Variants in SPOCK3 observed in about 807,000 individuals in gnomAD.
SPOCK3 encodes testican-3.
SPOCK3 carries 30 observed loss-of-function variants against 56.6 expected under a neutral mutation model. The observed-to-expected ratio is 0.53, with a 90% CI of 0.40 to 0.72. SPOCK3 has a LOEUF of 0.72. Ranked by LOEUF, SPOCK3 falls within the 30% of genes least tolerant of loss-of-function variation. The pLI, the probability that SPOCK3 is intolerant of heterozygous loss-of-function variation, is 0.00. For synonymous variants in SPOCK3, 196 were observed against 183.3 expected, an observed-to-expected ratio of 1.07 and a Z score of -0.56; for missense variants, 527 against 530.0, an observed-to-expected ratio of 0.99 and a Z score of 0.06.
At chr4:166,975,462 T>C (rs182521562) in intron 4 of SPOCK3, among the ~76,000 whole-genome samples, 15 of 152,306 alleles carry the variant, frequency 9.8e-5, no homozygotes, top group South Asian at 4.1e-4. Flanking sequence ...TCAGGGTTAA[T>C]AGGTTATCCA....
At chr4:167,227,647 G>A (rs949420290) in intron 2 of SPOCK3, among the ~76,000 whole-genome samples, 1 of 151,846 alleles carries the variant, frequency 6.6e-6, no homozygotes, top group Admixed American at 6.6e-5. Flanking sequence ...TTTCATAAAT[G>A]AAAAAAGACA....
At chr4:166,973,163 T>G (rs1268135566) in intron 4 of SPOCK3, among the ~76,000 whole-genome samples, 1 of 152,074 alleles carries the variant, frequency 6.6e-6, no homozygotes, top group Non-Finnish European at 1.5e-5. Context: ...TAAAAGCATT[T>G]GACAGTTTCC....
intron 8 of SPOCK3, among the ~76,000 whole-genome samples, chr4:166,744,734 T>C (rs1472640599): frequency 1.4e-4 from 22 of 151,936 alleles, no homozygotes; most frequent in Non-Finnish European, 3.1e-4. Flanking sequence ...AGCTAAAAAC[T>C]TTGAAAAAAG....
chr4:167,221,457 T>TA (rs905256402), intron 2 of SPOCK3, among the ~76,000 whole-genome samples: 2 of 152,116 alleles, frequency 1.3e-5, no homozygotes, highest in African/African-American at 2.4e-5. Flanking sequence ...CTGTTAATTT[T>TA]AAAAAAACAT....
At chr4:166,970,074 C>T (rs1416272633) in intron 4 of SPOCK3, among the ~76,000 whole-genome samples, 1 of 152,176 alleles carries the variant, frequency 6.6e-6, no homozygotes, top group Non-Finnish European at 1.5e-5. Context: ...TAGAAACACA[C>T]TAGTCTTTCT....
At chr4:166,946,849 T>A (rs536427004) in intron 4 of SPOCK3, among the ~76,000 whole-genome samples, 123 of 152,306 alleles carry the variant, frequency 8.1e-4, no homozygotes, top group Non-Finnish European at 1.5e-3. Context: ...ATCTGGCACA[T>A]CGTAGATGAA....
At chr4:166,894,251 A>G (rs1307977654) in intron 5 of SPOCK3, among the ~76,000 whole-genome samples, 1 of 152,092 alleles carries the variant, frequency 6.6e-6, no homozygotes, top group East Asian at 1.9e-4. Context: ...TATATTAATA[A>G]TATATCATAC....
At chr4:167,186,398 G>C (rs1731958921) in intron 2 of SPOCK3, among the ~76,000 whole-genome samples, 1 of 152,156 alleles carries the variant, frequency 6.6e-6, no homozygotes, top group Non-Finnish European at 1.5e-5. Context: ...GGAGGCCGAG[G>C]TGGGCAGATC....
At chr4:167,093,940 G>A (rs1186799808) in intron 2 of SPOCK3, among the ~76,000 whole-genome samples, 1 of 152,100 alleles carries the variant, frequency 6.6e-6, no homozygotes, top group Non-Finnish European at 1.5e-5. Flanking sequence ...AAACTTATGT[G>A]CCTTTACCTC....
intron 2 of SPOCK3, among the ~76,000 whole-genome samples, chr4:167,074,548 A>T (rs1234513107): frequency 6.6e-6 from 1 of 151,894 alleles, no homozygotes; most frequent in East Asian, 1.9e-4. Context: ...CTACTGTGGG[A>T]ACTCCAAGAG....
At chr4:166,963,992 T>C (rs1744430931) in intron 4 of SPOCK3, among the ~76,000 whole-genome samples, 1 of 151,802 alleles carries the variant, frequency 6.6e-6, no homozygotes, top group African/African-American at 2.4e-5. Flanking sequence ...CTATCTGTTT[T>C]CATAAAATCT....
intron 8 of SPOCK3, among the ~76,000 whole-genome samples, chr4:166,744,996 C>A (rs1735388658): frequency 1.3e-5 from 2 of 152,042 alleles, no homozygotes; most frequent in Non-Finnish European, 2.9e-5. Flanking sequence ...TGTGAAGAGA[C>A]CAAATCTACA....
At chr4:166,908,526 GCA>G (rs377518404) in intron 5 of SPOCK3, among the ~76,000 whole-genome samples, 58,761 of 135,636 alleles carry the variant, frequency 0.43, 12,124 homozygotes, top group South Asian at 0.48. Flanking sequence ...TCAAAACCAT[GCA>G]CACACACACA....
At chr4:166,936,363 ATATT>A (rs1241948895) in intron 4 of SPOCK3, among the ~76,000 whole-genome samples, 1 of 152,124 alleles carries the variant, frequency 6.6e-6, no homozygotes, top group Non-Finnish European at 1.5e-5. Context: ...TATGTATACA[ATATT>A]TGTTTTTCAT....
At chr4:167,053,412 C>T (rs951577296) in intron 3 of SPOCK3, among the ~76,000 whole-genome samples, 9 of 152,064 alleles carry the variant, frequency 5.9e-5, no homozygotes, top group South Asian at 2.1e-4. Flanking sequence ...CTTGGCCACA[C>T]GCTGTGGCTC....
chr4:166,950,519 AG>A lies in SPOCK3; in HGVS notation c.351-37777del, dbSNP rs1327439407. On this transcript the variant is annotated intron_variant, in intron 4 of 10. Transcript: ENST00000357545. ...TAACACCCCGCTGTCAACATTAGAC[AG>A]ATCAATGAGACAGAAAGTTAACAAG... Among the ~76,000 whole-genome samples the A allele has an allele frequency of 5.9e-5, 9 of 152,160 alleles. No individual in the cohort carries two copies. The East Asian group carries it at 1.5e-3, about 26-fold the overall frequency.
In SPOCK3 at chr4:167,006,508, T is replaced by C. The variant is rs75230046; in HGVS notation, c.236-6045A>G. On this transcript the variant is annotated intron_variant, in intron 3 of 10. Coordinates refer to ENST00000357545, the MANE Select transcript of SPOCK3 (RefSeq NM_001040159.2). ...TAGTTTTGATTCTGAGAGTTCATTC[T>C]TATGCTTACATATGTTACTTTCTCT... is the stretch of plus-strand genomic sequence containing the variant. Among the ~76,000 whole-genome samples the C allele has an allele frequency of 9.2e-3, 1,401 of 152,252 alleles. 22 individuals are homozygous for C. The highest frequency in any genetic ancestry group is 0.029 in the African/African-American group (1,221 of 41,540).
chr4:167,113,373 AT>A (rs35390223), intron 2 of SPOCK3, among the ~76,000 whole-genome samples: 3,962 of 144,810 alleles, frequency 0.027, 82 homozygotes, highest in Middle Eastern at 0.071. Context: ...TCTTCTTACA[AT>A]TTTTTTTTTT....
chr4:167,155,627 A>G (rs1764751574), intron 2 of SPOCK3, among the ~76,000 whole-genome samples: 1 of 152,216 alleles, frequency 6.6e-6, no homozygotes, highest in African/African-American at 2.4e-5. Context: ...TAAAACTTTC[A>G]CAGAATAAAT....
Sources: gnomAD v4.1 joint callset for allele counts (sites outside exome capture counted in the v4.1 genomes callset) on GRCh38, gnomAD v4.1.1 for gene constraint, MANE v1.5 for transcripts, NCBI Gene and HGNC (gene_info 2026-07-23, HGNC 2026-07-21) for gene names.